Variants in RIPOR1 observed in about 807,000 individuals in gnomAD.
The protein encoded by RIPOR1 is rho family-interacting cell polarization regulator 1.
RIPOR1 carries 58 observed loss-of-function variants against 116.5 expected under a neutral mutation model. The ratio of observed to expected loss-of-function variants is 0.50; its 90% CI spans 0.40 to 0.62. The LOEUF is 0.62. Among genes scored for constraint, RIPOR1 ranks in the 20% least tolerant of loss-of-function variants. The pLI, the probability that RIPOR1 is intolerant of heterozygous loss-of-function variation, is 0.00. For missense variants in RIPOR1, 1,372 were observed against 1,586.2 expected (o/e 0.86, Z 2.29); for synonymous variants, 605 against 650.0 (o/e 0.93, Z 1.05).
Position 67,534,408 on chromosome 16 carries a change from C to T in RIPOR1, c.-23-4016C>T, listed in dbSNP as rs890782220. On this transcript the variant is annotated intron_variant, in intron 1 of 21. Coordinates refer to ENST00000042381, the MANE Select transcript of RIPOR1 (RefSeq NM_024519.4). ...TGCTAGGATTACAGGCGTAAGCCAC[C>T]GCACCGGCCCAACATTTTGTAATTA... 2.2e-4 allele frequency among the ~76,000 whole-genome samples: 33 copies of T among 152,178 alleles called. 1 individual carries two copies. Among genetic ancestry groups the T allele is most frequent in the Admixed American group, 8.5e-4 (13 of 15,274 alleles).
At chr16:67,538,876 G>C in intron 3 of RIPOR1, 52 bp downstream of exon 3, 1 of 1,609,744 alleles carries the variant, frequency 6.2e-7, no homozygotes, top group Non-Finnish European at 8.5e-7. Flanking sequence ...CCCCAAGCCC[G>C]CATCCTGCTA....
intron 6 of RIPOR1, 34 bp downstream of exon 6, chr16:67,539,933 G>C (rs1253641312): frequency 6.2e-7 from 1 of 1,613,982 alleles, no homozygotes; most frequent in Non-Finnish European, 8.5e-7. Flanking sequence ...AGTGGGGTGG[G>C]GGGTTGGATA....
At chr16:67,528,965 G>A (rs1168953603) in intron 1 of RIPOR1, 51 bp downstream of exon 1, 5 of 177,614 alleles carry the variant, frequency 2.8e-5, no homozygotes, top group Non-Finnish European at 6.0e-5. Flanking sequence ...GGGAGCAGGC[G>A]CGGAGGTTCT....
At chr16:67,526,999 G>A (rs1345450082), upstream of RIPOR1, among the ~76,000 whole-genome samples, 3 of 152,222 alleles carry the variant, frequency 2.0e-5, no homozygotes, top group Admixed American at 6.5e-5. Context: ...AGGGCTCTGG[G>A]CACAGAGGGA....
Position 67,530,829 on chromosome 16 carries a change from T to C in RIPOR1, c.-24+1915T>C, listed in dbSNP as rs2050643209. Among the ~76,000 whole-genome samples, 1 of 152,130 alleles carries C rather than the reference T, an allele frequency of 6.6e-6. No homozygotes were observed. The highest frequency in any genetic ancestry group is 1.5e-5 in the Non-Finnish European group (1 of 68,016). On this transcript the variant is annotated intron_variant, in intron 1 of 21. Coordinates refer to ENST00000042381, the MANE Select transcript of RIPOR1 (RefSeq NM_024519.4). The surrounding 1 kb of genome is among the most constrained non-coding windows in gnomAD (Gnocchi z 4.5). ...CTGGGAACAGACTATAGGGCTGACA[T>C]GAGCCCAGAGAGTCCCCTGGTTCTT...
Position 67,541,817 on chromosome 16 carries a change from C to T in RIPOR1, c.1080+35C>T. 1.2e-6 allele frequency: 2 copies of T among 1,613,906 alleles called. No homozygotes were observed. Among genetic ancestry groups the T allele is most frequent in the South Asian group, 2.2e-5 (2 of 91,088 alleles). On this transcript the variant is annotated intron_variant, in intron 12 of 21. Transcript: ENST00000042381. The surrounding 1 kb of genome is among the most constrained non-coding windows in gnomAD (Gnocchi z 4.6). ...AGCCCAGGTCCAGGCCTCACCATCCCCCAGAGGCTCCCTGGGGGTGGTTCT... is the reference window on the plus strand; with the variant it reads ...AGCCCAGGTCCAGGCCTCACCATCCTCCAGAGGCTCCCTGGGGGTGGTTCT...
At chr16:67,520,268 C>G (rs1395924646) in intron 1 of RIPOR1, among the ~76,000 whole-genome samples, 11 of 151,280 alleles carry the variant, frequency 7.3e-5, no homozygotes, top group Admixed American at 7.3e-4. Context: ...GTGGTCCCAG[C>G]TACTCAGGAC....
Position 67,543,603 on chromosome 16 carries a change from T to C in RIPOR1, c.2600+134T>C, listed in dbSNP as rs2051069458. ...AGGTGAGGCAGGGCCAGGTGGAGCA[T>C]GTGAGGACTGAGTTGCTGGCAGGTG... On this transcript the variant is annotated intron_variant, in intron 14 of 21. Transcript: ENST00000042381. The surrounding 1 kb of genome is among the most constrained non-coding windows in gnomAD (Gnocchi z 4.7). The C allele has an allele frequency of 2.3e-6, 3 of 1,294,626 alleles. No individual in the cohort carries two copies. Among genetic ancestry groups the C allele is most frequent in the East Asian group, 5.1e-5 (2 of 39,536 alleles). 80.2% of individuals were successfully genotyped at this position (1,294,626 alleles called of 1,614,324 possible).
rs1417329084 is a variant in RIPOR1, at chr16:67,542,244, C to A, written c.1458C>A (p.Thr486=). Residue 486 remains threonine (T), a synonymous_variant, in exon 13 of 22, where the codon ACC becomes ACA. Transcript: ENST00000042381. The surrounding 1 kb of genome is among the most constrained non-coding windows in gnomAD (Gnocchi z 4.6). ...GPSPPTHPAP[T]HGEHPSPVPP... ...GCCCACCTACACACCCAGCTCCCAC[C>A]CATGGAGAGCACCCCAGTCCTGTTC... 1 of 1,613,682 alleles carries A rather than the reference C, an allele frequency of 6.2e-7. No individual in the cohort carries two copies. Among genetic ancestry groups the A allele is most frequent in the East Asian group, 2.2e-5 (1 of 44,864 alleles).
chr16:67,541,965 T>G lies in RIPOR1; in HGVS notation c.1179T>G (p.Thr393=). ...DDSSSPQLSG[T]ARHSPAPRPL... is the part of the protein sequence containing the mutation. ...CATCCAGCCCACAGCTCTCAGGCAC[T>G]GCCCGCCACTCACCAGCCCCTAGGC... The change falls in exon 13 of 22, where the codon ACT becomes ACG. Residue 393 remains threonine (T), a synonymous_variant. Coordinates refer to ENST00000042381, the MANE Select transcript of RIPOR1 (RefSeq NM_024519.4). This position sits in a 1 kb window ranked among gnomAD's most constrained non-coding sequence, Gnocchi z 4.6. The G allele has an allele frequency of 6.2e-7, 1 of 1,612,026 alleles. No homozygotes were observed. The highest frequency in any genetic ancestry group is 8.5e-7 in the Non-Finnish European group (1 of 1,179,720).
rs2051021709 is a variant in RIPOR1, at chr16:67,542,577, TACC to T, written c.1794_1796del (p.Thr599del). The stretch of plus-strand genomic sequence containing the variant: ...TCAATATCATAGGCCCAGTCCAGAC[TACC>T]ACAAGCCCCACCCACACTATGCCAA... On this transcript the variant is annotated inframe_deletion, in exon 13 of 22. Transcript: ENST00000042381. The surrounding 1 kb of genome is among the most constrained non-coding windows in gnomAD (Gnocchi z 4.6). 3.7e-6 allele frequency: 6 copies of T among 1,613,704 alleles called. No individual in the cohort carries two copies. Among genetic ancestry groups the T allele is most frequent in the Non-Finnish European group, 4.2e-6 (5 of 1,179,900 alleles).
At position 67,545,723 on chromosome 16, in the gene RIPOR1, T is replaced by A. The variant is rs753762445; in HGVS notation, c.3250T>A (p.Leu1084Met). 6.3e-7 allele frequency: 1 copy of A among 1,598,538 alleles called. No individual in the cohort carries two copies. Among genetic ancestry groups the A allele is most frequent in the Non-Finnish European group, 8.5e-7 (1 of 1,173,180 alleles). The change falls in exon 19 of 22, where the codon TTG (leucine) becomes ATG (methionine). Residue 1084 changes from leucine (L) to methionine (M), a missense_variant. Leu to Met is a conservative substitution (Grantham distance 15). Transcript: ENST00000042381. This position sits in a 1 kb window ranked among gnomAD's most constrained non-coding sequence, Gnocchi z 4.8. ...GGCTGTTGTGCTGAAGGCCCTGAGA[T>A]TGGCGCCCGAGGGGCGTCTGCGAAG... The part of the protein sequence containing the change: ...DQAVVLKALR[L>M]APEGRLRRDG...
chr16:67,544,150 C>T lies in RIPOR1; in HGVS notation c.2601-149C>T, dbSNP rs539408079. The T allele has an allele frequency of 1.7e-5, 17 of 1,026,280 alleles. No individual in the cohort carries two copies. The East Asian group carries it at 1.8e-4, about 11-fold the overall frequency. The allele number at this position is 1,026,280 out of a possible 1,614,324, so 63.6% of individuals were successfully genotyped here. On this transcript the variant is annotated intron_variant, in intron 14 of 21. Coordinates refer to ENST00000042381, the MANE Select transcript of RIPOR1 (RefSeq NM_024519.4). This position sits in a 1 kb window ranked among gnomAD's most constrained non-coding sequence, Gnocchi z 5.1. ...TGCTGGTCCCAGCCCCTTCCTCCTT[C>T]TGGAAATCCTCCATGAACTTACCCC...
At position 67,545,658 on chromosome 16, in the gene RIPOR1, T is replaced by A. The variant is rs763123132; in HGVS notation, c.3191-6T>A. ...CCCACCCACCCACCATATCCCCTTTTTTCAGTGCTACTGGTGCGGAATCTG... is the reference window on the plus strand; with the variant it reads ...CCCACCCACCCACCATATCCCCTTTATTCAGTGCTACTGGTGCGGAATCTG... On this transcript the variant is annotated splice_polypyrimidine_tract_variant and splice_region_variant and intron_variant, in intron 18 of 21. Coordinates refer to ENST00000042381, the MANE Select transcript of RIPOR1 (RefSeq NM_024519.4). This position sits in a 1 kb window ranked among gnomAD's most constrained non-coding sequence, Gnocchi z 4.8. 5.7e-6 allele frequency: 9 copies of A among 1,567,460 alleles called. No individual in the cohort carries two copies. The Admixed American group carries it at 7.3e-5, about 13-fold the overall frequency.
Position 67,546,076 on chromosome 16 carries a change from C to T in RIPOR1, c.3471+44C>T, listed in dbSNP as rs779114977. The T allele has an allele frequency of 1.2e-5, 19 of 1,605,660 alleles. No homozygotes were observed. The Admixed American group carries it at 2.5e-4, about 21-fold the overall frequency. On this transcript the variant is annotated intron_variant, in intron 20 of 21. Transcript: ENST00000042381. The stretch of plus-strand genomic sequence containing the variant: ...CCCACCCCTCTGTCCGCTTCCGGCA[C>T]CCCCACCCCTGAAACCCTCCCATCT...
rs200112433 is a variant in RIPOR1 at position 67,542,046 on chromosome 16, G to T, written c.1260G>T (p.Glu420Asp). ...LPIQVAFRRP[E>D]TPSSGPLDEE... Reference sequence around the variant, plus strand: ...TCCAAGTTGCCTTCCGCAGGCCTGAGACCCCCAGCTCTGGGCCCTTGGATG... The same window carrying T: ...TCCAAGTTGCCTTCCGCAGGCCTGATACCCCCAGCTCTGGGCCCTTGGATG... Residue 420 changes from glutamate (E) to aspartate (D), a missense_variant, in exon 13 of 22, where the codon GAG (glutamate) becomes GAT (aspartate). Around this residue, in one of 3 missense-constraint regions of RIPOR1, gnomAD observed 1,005 missense variants for 1,144.7 expected, o/e 0.88. Coordinates refer to ENST00000042381, the MANE Select transcript of RIPOR1 (RefSeq NM_024519.4). The surrounding 1 kb of genome is among the most constrained non-coding windows in gnomAD (Gnocchi z 4.6). The T allele has an allele frequency of 1.2e-6, 2 of 1,607,070 alleles. No individual in the cohort carries two copies. The highest frequency in any genetic ancestry group is 4.5e-5 in the East Asian group (2 of 44,696).
At chr16:67,528,710 G>A (rs1258896977), upstream of RIPOR1, 1 of 151,880 alleles carries the variant, frequency 6.6e-6, no homozygotes, top group East Asian at 1.9e-4. Context: ...CGAGAGGGCG[G>A]AGCGAGCCGT....
chr16:67,541,721 G>A lies in RIPOR1; in HGVS notation c.1019G>A (p.Arg340His), dbSNP rs147048269. Reference protein sequence around the residue: ...SVNKASTVTKRFSTYSQSPPD... With the variant: ...SVNKASTVTKHFSTYSQSPPD... ...AACAAGGCCTCCACAGTCACCAAGC[G>A]CTTCTCCACCTATAGCCAGAGCCCA... The change falls in exon 12 of 22, where the codon CGC becomes CAC. Residue 340 changes from arginine to histidine, a missense_variant. Physicochemically the swap from Arg to His is conservative, Grantham distance 29. Coordinates refer to ENST00000042381, the MANE Select transcript of RIPOR1 (RefSeq NM_024519.4). This position sits in a 1 kb window ranked among gnomAD's most constrained non-coding sequence, Gnocchi z 4.6. The A allele has an allele frequency of 1.5e-5, 25 of 1,613,856 alleles. No individual in the cohort carries two copies. Among genetic ancestry groups the A allele is most frequent in the African/African-American group, 2.7e-5 (2 of 74,856 alleles).
chr16:67,543,491 G>A lies in RIPOR1; in HGVS notation c.2600+22G>A, dbSNP rs1455830775. Reference sequence around the variant, plus strand: ...ACAGGTGAGGGGGCTAGGCAAGATGGGTGTGAGGCTAGGTGAGAGGGAAAA... The same window carrying A: ...ACAGGTGAGGGGGCTAGGCAAGATGAGTGTGAGGCTAGGTGAGAGGGAAAA... On this transcript the variant is annotated intron_variant, in intron 14 of 21. Coordinates refer to ENST00000042381, the MANE Select transcript of RIPOR1 (RefSeq NM_024519.4). The surrounding 1 kb of genome is among the most constrained non-coding windows in gnomAD (Gnocchi z 4.7). The A allele has an allele frequency of 6.5e-7, 1 of 1,547,436 alleles. No individual in the cohort carries two copies. The highest frequency in any genetic ancestry group is 8.7e-7 in the Non-Finnish European group (1 of 1,146,942).
Sources: allele counts gnomAD v4.1 joint callset (sites outside exome capture counted in the v4.1 genomes callset), GRCh38; gene constraint gnomAD v4.1.1; regional missense constraint gnomAD v4.1.1; non-coding constraint Gnocchi (gnomAD v3.1); transcripts MANE v1.5; gene names NCBI Gene and HGNC (gene_info 2026-07-23, HGNC 2026-07-21).